PLEKHA7: variants seen among roughly 807,000 people sequenced by gnomAD.
PLEKHA7 encodes pleckstrin homology domain-containing family A member 7.
Under a neutral mutation model 170.0 loss-of-function variants are expected in PLEKHA7, and 104 were observed. The observed-to-expected ratio is 0.61, with a 90% confidence interval of 0.52 to 0.72. PLEKHA7 has a LOEUF of 0.72. PLEKHA7 is among the 30% of genes least tolerant of loss of function. The pLI, the probability that PLEKHA7 is intolerant of heterozygous loss-of-function variation, is 0.00. For missense variants in PLEKHA7, 1,615 were observed against 1,671.7 expected, an observed-to-expected ratio of 0.97 and a Z score of 0.59; for synonymous variants, 648 against 660.8, an observed-to-expected ratio of 0.98 and a Z score of 0.30.
rs746752642 is a variant in PLEKHA7 at position 17,014,385 on chromosome 11, A to C, written c.17T>G (p.Val6Gly). 8.0e-7 allele frequency: 1 copy of C among 1,251,476 alleles called. No individual in the cohort carries two copies. The highest frequency in any genetic ancestry group is 1.0e-6 in the Non-Finnish European group (1 of 978,148). The allele number at this position is 1,251,476 out of a possible 1,614,324, so 77.5% of individuals were successfully genotyped here. A position where few individuals can be genotyped will look rare whatever the true frequency, so the allele number is the denominator to read the frequency against. Reference sequence around the variant, plus strand: ...ATGCTCAGGTAAAGTGTCCCGCCCGACCGTCGCCGCCGCCATGTTCGCCGA... The same window carrying C: ...ATGCTCAGGTAAAGTGTCCCGCCCGCCCGTCGCCGCCGCCATGTTCGCCGA... MAAAT[V>G]GRDTLPEHWS... The change falls in exon 1 of 27, where the codon GTC (valine) becomes GGC (glycine). Residue 6 changes from valine to glycine, a missense_variant. Transcript: ENST00000531066.
chr11:16,892,619 CTTTT>C (rs10674972), intron 3 of PLEKHA7, among the ~76,000 whole-genome samples: 1,341 of 82,420 alleles, frequency 0.016, 30 homozygotes, highest in African/African-American at 0.063. Flanking sequence ...CTTCCAGCTT[CTTTT>C]TTTTTTTTTT....
intron 3 of PLEKHA7, among the ~76,000 whole-genome samples, chr11:16,921,427 G>A (rs1449131319): frequency 2.0e-5 from 3 of 152,340 alleles, no homozygotes; most frequent in South Asian, 2.1e-4. Flanking sequence ...TATGGATGAG[G>A]GGGCAGAGAG....
At position 16,871,100 on chromosome 11, in the gene PLEKHA7, C is replaced by G; in HGVS notation, c.304G>C (p.Glu102Gln). 1 of 1,587,824 alleles carries G rather than the reference C, an allele frequency of 6.3e-7. No homozygotes were observed. Among genetic ancestry groups the G allele is most frequent in the Non-Finnish European group, 8.6e-7 (1 of 1,156,492 alleles). Residue 102 changes from glutamate (E) to glutamine (Q), a missense_variant and splice_region_variant, in exon 4 of 27, where the codon GAG becomes CAG. Glu to Gln is a conservative substitution (Grantham distance 29). Transcript: ENST00000531066. ...PENSEFILQE[E>Q]PNPHMSKQDR... Reference sequence around the variant, plus strand: ...AGGAGAATACATAAAAAGACTTACTCTTCTTGAAGAATGAATTCACTATTT... The same window carrying G: ...AGGAGAATACATAAAAAGACTTACTGTTCTTGAAGAATGAATTCACTATTT...
Position 16,826,381 on chromosome 11 carries a change from G to T in PLEKHA7, c.1082C>A (p.Ala361Asp). The T allele has an allele frequency of 6.2e-7, 1 of 1,614,216 alleles. No individual in the cohort carries two copies. Among genetic ancestry groups the T allele is most frequent in the Non-Finnish European group, 8.5e-7 (1 of 1,180,030 alleles). The part of the protein sequence containing the change: ...PLEGKRDRSK[A>D]RSPYSPAEED... ...CTCGGCTGGCGAGTACGGAGACCTG[G>T]CCTTGCTCCGGTCCCGCTTGCCCTC... The change falls in exon 10 of 27, where the codon GCC becomes GAC. Residue 361 changes from alanine to aspartate, a missense_variant. Ala to Asp is a moderately radical substitution (Grantham distance 126). Coordinates refer to ENST00000531066, the MANE Select transcript of PLEKHA7 (RefSeq NM_001329630.2).
intron 8 of PLEKHA7, among the ~76,000 whole-genome samples, chr11:16,847,090 C>T (rs143379229): frequency 0.024 from 1,679 of 70,502 alleles, 16 homozygotes; most frequent in Middle Eastern, 0.1. Context: ...TTTTTTTTTT[C>T]TTTTTTTTTT....
At chr11:16,993,981 T>C (rs552104943) in intron 3 of PLEKHA7, among the ~76,000 whole-genome samples, 43 of 152,254 alleles carry the variant, frequency 2.8e-4, no homozygotes, top group Non-Finnish European at 5.7e-4. Flanking sequence ...TGAGTAATTA[T>C]GGTAAACTGT....
intron 16 of PLEKHA7, 91 bp from the exon 17 acceptor site, chr11:16,801,166 C>T (rs1848572375): frequency 2.7e-6 from 3 of 1,114,274 alleles, no homozygotes; most frequent in Admixed American, 3.4e-5. Context: ...CATGCTGACC[C>T]AGCCAGGGGA....
At chr11:16,917,578 T>C (rs1233512404) in intron 3 of PLEKHA7, among the ~76,000 whole-genome samples, 2 of 152,196 alleles carry the variant, frequency 1.3e-5, no homozygotes, top group East Asian at 3.8e-4. Flanking sequence ...CAACCTCTAC[T>C]ACCCTCCTCA....
At chr11:17,006,954 T>C (rs1865035130) in intron 3 of PLEKHA7, among the ~76,000 whole-genome samples, 1 of 152,250 alleles carries the variant, frequency 6.6e-6, no homozygotes, top group African/African-American at 2.4e-5. Flanking sequence ...AATGGGTTGC[T>C]GAATACAAAA....
At chr11:16,827,484 C>T (rs1850747937) in intron 9 of PLEKHA7, among the ~76,000 whole-genome samples, 1 of 152,184 alleles carries the variant, frequency 6.6e-6, no homozygotes, top group South Asian at 2.1e-4. Flanking sequence ...TGCCTCTCCA[C>T]ATGTGTCTGT....
At chr11:16,905,162 G>A (rs542477942) in intron 3 of PLEKHA7, among the ~76,000 whole-genome samples, 2 of 152,252 alleles carry the variant, frequency 1.3e-5, no homozygotes, top group East Asian at 3.9e-4. Flanking sequence ...TGAGGTGGGA[G>A]GATATCTGGA....
chr11:16,890,705 T>C (rs1267797572), intron 3 of PLEKHA7, among the ~76,000 whole-genome samples: 1 of 152,116 alleles, frequency 6.6e-6, no homozygotes, highest in Non-Finnish European at 1.5e-5. Context: ...AAGAAATTGA[T>C]TGAGGTAACA....
At chr11:16,934,001 T>C (rs1860119596) in intron 3 of PLEKHA7, among the ~76,000 whole-genome samples, 1 of 152,150 alleles carries the variant, frequency 6.6e-6, no homozygotes, top group Non-Finnish European at 1.5e-5. Context: ...GCAGCATTCT[T>C]TCAGGATGAC....
intron 3 of PLEKHA7, among the ~76,000 whole-genome samples, chr11:16,919,170 C>T (rs1040182683): frequency 3.9e-5 from 6 of 152,256 alleles, no homozygotes; most frequent in Middle Eastern, 3.4e-3. Flanking sequence ...GCTGAGATCA[C>T]GCCATTGCAC....
intron 3 of PLEKHA7, among the ~76,000 whole-genome samples, chr11:16,938,293 G>A (rs901149518): frequency 5.9e-5 from 9 of 152,030 alleles, no homozygotes; most frequent in South Asian, 2.1e-4. Flanking sequence ...ACGTGGCTTC[G>A]TCTGCATTTA....
chr11:16,813,342 T>C (rs534228325), intron 12 of PLEKHA7, 176 bp from the exon 13 acceptor site: 1 of 494,020 alleles, frequency 2.0e-6, no homozygotes, highest in Admixed American at 3.1e-5. Flanking sequence ...CTGAGAGCCG[T>C]CTTTCAGCAG....
intron 3 of PLEKHA7, among the ~76,000 whole-genome samples, chr11:16,990,655 A>T (rs1863992152): frequency 6.6e-6 from 1 of 152,238 alleles, no homozygotes; most frequent in African/African-American, 2.4e-5. Flanking sequence ...AGGGGATTTT[A>T]AAAGTTCCCT....
At chr11:16,786,431 C>T (rs1396032534) in intron 23 of PLEKHA7, 44 bp from the exon 24 acceptor site, 1 of 1,533,424 alleles carries the variant, frequency 6.5e-7, no homozygotes, top group Non-Finnish European at 8.7e-7. Context: ...TTCCTGATTG[C>T]TGAAAGAGCC....
chr11:16,865,015 A>C (rs1854271109), intron 4 of PLEKHA7, among the ~76,000 whole-genome samples: 2 of 152,228 alleles, frequency 1.3e-5, no homozygotes, highest in South Asian at 4.1e-4. Flanking sequence ...TCTCTCCTGC[A>C]GATTAATCAC....
Sources: allele counts gnomAD v4.1 joint callset (sites outside exome capture counted in the v4.1 genomes callset), GRCh38; gene constraint gnomAD v4.1.1; transcripts MANE v1.5; gene names NCBI Gene and HGNC (gene_info 2026-07-23, HGNC 2026-07-21).